The following GMDS variants were observed in gnomAD, a reference collection of about 807,000 sequenced individuals.
The protein encoded by GMDS is GDP-mannose 4,6-dehydratase, also known as GDP-mannose 4,6 dehydratase.
A neutral mutation model predicts 49.9 loss-of-function variants in GMDS; 20 were observed. The ratio of observed to expected loss-of-function variants is 0.40; its 90% CI spans 0.28 to 0.58. The LOEUF (loss-of-function observed/expected upper bound fraction) is 0.58, where lower values mean the gene tolerates loss of function less well. Among genes scored for constraint, GMDS ranks in the 20% least tolerant of loss-of-function variants. The pLI is 0.42. For missense variants in GMDS, 362 were observed against 481.4 expected (o/e 0.75, Z 2.32); for synonymous variants, 177 against 178.6 (o/e 0.99, Z 0.07).
chr6:2,034,692 C>T (rs1197866083), intron 4 of GMDS, among the ~76,000 whole-genome samples: 2 of 152,152 alleles, frequency 1.3e-5, no homozygotes, highest in Admixed American at 6.6e-5. Context: ...AGAGAGTGTC[C>T]AAGACACTTC....
At chr6:2,008,330 A>T (rs1305524580) in intron 4 of GMDS, among the ~76,000 whole-genome samples, 1 of 152,230 alleles carries the variant, frequency 6.6e-6, no homozygotes, top group Non-Finnish European at 1.5e-5. Context: ...AAAACAAAAT[A>T]TATGGCTTTG....
At chr6:1,808,806 C>G (rs75576126) in intron 7 of GMDS, among the ~76,000 whole-genome samples, 7,733 of 152,154 alleles carry the variant, frequency 0.051, 637 homozygotes, top group African/African-American at 0.18. Context: ...CTAAACTGAA[C>G]CCAACATTAC....
At chr6:2,003,596 G>C (rs887925921) in intron 4 of GMDS, among the ~76,000 whole-genome samples, 1 of 152,140 alleles carries the variant, frequency 6.6e-6, no homozygotes, top group Non-Finnish European at 1.5e-5. Flanking sequence ...TACGACTGAA[G>C]AGCTGCACAG....
At chr6:2,056,457 C>T (rs1581582739) in intron 4 of GMDS, among the ~76,000 whole-genome samples, 1 of 152,232 alleles carries the variant, frequency 6.6e-6, no homozygotes, top group Non-Finnish European at 1.5e-5. Context: ...CAAATCTGCA[C>T]AAGAATAATG....
intron 4 of GMDS, among the ~76,000 whole-genome samples, chr6:2,001,855 C>T (rs4427041): frequency 0.44 from 66,657 of 151,928 alleles, 14,792 homozygotes; most frequent in African/African-American, 0.48. Context: ...ATGAAGTTTG[C>T]CCTTACTTCA....
chr6:1,987,848 C>A (rs1765656528), intron 4 of GMDS, among the ~76,000 whole-genome samples: 1 of 152,036 alleles, frequency 6.6e-6, no homozygotes, highest in Non-Finnish European at 1.5e-5. Context: ...ATGCACTCTG[C>A]CATTTAAGTA....
At chr6:2,181,448 T>G (rs1778526359) in intron 1 of GMDS, among the ~76,000 whole-genome samples, 1 of 152,180 alleles carries the variant, frequency 6.6e-6, no homozygotes, top group Non-Finnish European at 1.5e-5. Flanking sequence ...TACAGCCATA[T>G]CTTGTTTTGC....
intron 9 of GMDS, among the ~76,000 whole-genome samples, chr6:1,706,603 C>G (rs1159024226): frequency 6.6e-6 from 1 of 152,166 alleles, no homozygotes. Flanking sequence ...CCTCGCAGGC[C>G]CATCATGAAC....
chr6:1,996,009 T>C (rs1379194925), intron 4 of GMDS, among the ~76,000 whole-genome samples: 1 of 152,156 alleles, frequency 6.6e-6, no homozygotes, highest in Non-Finnish European at 1.5e-5. Context: ...GCTATACCAC[T>C]GCACAGTTCC....
chr6:1,805,977 T>C (rs982409666), intron 7 of GMDS, among the ~76,000 whole-genome samples: 1 of 152,178 alleles, frequency 6.6e-6, no homozygotes, highest in African/African-American at 2.4e-5. Context: ...TTGTGGTAAG[T>C]ATATAAAAAT....
rs185536672 is a variant in GMDS at position 1,630,308 on chromosome 6, A to T, written c.988-5768T>A. Among the ~76,000 whole-genome samples the T allele has an allele frequency of 1.4e-4, 22 of 152,344 alleles. No homozygotes were observed. The East Asian group carries it at 4.2e-3, about 29-fold the overall frequency. Reference sequence around the variant, plus strand: ...GCGGTCCTCTTTCCTCCATGGGACGAACCGCATGTGGCCTATGCAGTTTAT... The same window carrying T: ...GCGGTCCTCTTTCCTCCATGGGACGTACCGCATGTGGCCTATGCAGTTTAT... On this transcript the variant is annotated intron_variant, in intron 9 of 10. Transcript: ENST00000380815.
intron 4 of GMDS, among the ~76,000 whole-genome samples, chr6:2,076,852 C>A (rs1445373470): frequency 6.6e-6 from 1 of 152,140 alleles, no homozygotes; most frequent in African/African-American, 2.4e-5. Flanking sequence ...TACGCATGGG[C>A]AAGGACTTCA....
intron 7 of GMDS, among the ~76,000 whole-genome samples, chr6:1,876,023 A>AG (rs1014746989): frequency 1.4e-4 from 21 of 151,556 alleles, no homozygotes; most frequent in East Asian, 1.9e-4. Context: ...CTCAAAAAAA[A>AG]AAAAGAAAAG....
chr6:1,704,392 G>A (rs1165254073), intron 9 of GMDS, among the ~76,000 whole-genome samples: 1 of 152,084 alleles, frequency 6.6e-6, no homozygotes, highest in South Asian at 2.1e-4. Flanking sequence ...CCATGGGGGT[G>A]GGCAACAGAG....
intron 1 of GMDS, among the ~76,000 whole-genome samples, chr6:2,202,617 C>G (rs1779602017): frequency 1.3e-5 from 2 of 152,070 alleles, no homozygotes; most frequent in African/African-American, 4.8e-5. Context: ...TGGGAACAGT[C>G]ACGGTAGCTC....
At chr6:1,997,702 T>G (rs1283837984) in intron 4 of GMDS, among the ~76,000 whole-genome samples, 2 of 151,946 alleles carry the variant, frequency 1.3e-5, no homozygotes, top group African/African-American at 4.8e-5. Flanking sequence ...TGGACCCTAG[T>G]GAGGTTCATC....
intron 7 of GMDS, among the ~76,000 whole-genome samples, chr6:1,928,287 C>A (rs977991772): frequency 6.6e-6 from 1 of 151,846 alleles, no homozygotes; most frequent in African/African-American, 2.4e-5. Context: ...ATCGCTTGAA[C>A]CCGGGAGGCA....
intron 8 of GMDS, among the ~76,000 whole-genome samples, chr6:1,740,279 A>G (rs1332806083): frequency 3.9e-5 from 6 of 152,202 alleles, no homozygotes; most frequent in African/African-American, 1.4e-4. Flanking sequence ...TTTTTGGGCC[A>G]GGTGCGGTGG....
intron 9 of GMDS, among the ~76,000 whole-genome samples, chr6:1,628,096 C>T (rs1762897455): frequency 6.6e-6 from 1 of 152,192 alleles, no homozygotes; most frequent in African/African-American, 2.4e-5. Flanking sequence ...TACAGAGCTG[C>T]AAACAGCAGC....
Sources: allele counts gnomAD v4.1 joint callset (sites outside exome capture counted in the v4.1 genomes callset), GRCh38; gene constraint gnomAD v4.1.1; transcripts MANE v1.5; gene names NCBI Gene and HGNC (gene_info 2026-07-23, HGNC 2026-07-21).